RBMS2: variants seen among roughly 807,000 people sequenced by gnomAD.
RBMS2 encodes the protein RNA-binding motif, single-stranded-interacting protein 2.
RBMS2 carries 38 observed loss-of-function variants against 58.4 expected under a neutral mutation model. The ratio of observed to expected loss-of-function variants is 0.65; its 90% confidence interval spans 0.50 to 0.85. RBMS2 has a LOEUF of 0.85. RBMS2 is among the 40% of genes least tolerant of loss of function. RBMS2 has a pLI of 0.00. For synonymous variants in RBMS2, 151 were observed against 180.7 expected (o/e 0.84, Z 1.32); for missense variants, 367 against 503.7 (o/e 0.73, Z 2.60).
At chr12:56,572,701 C>T in intron 5 of RBMS2, 2 of 815,478 alleles carry the variant, frequency 2.5e-6, no homozygotes, top group Non-Finnish European at 1.5e-6. Flanking sequence ...TGCCCAGGGT[C>T]TTACAGGAGT....
At chr12:56,521,789 CTG>C (rs1447531379), upstream of RBMS2, 3 of 532,726 alleles carry the variant, frequency 5.6e-6, no homozygotes, top group Non-Finnish European at 9.9e-6. Context: ...CATTCAGACT[CTG>C]TTAACTTCTC....
intron 5 of RBMS2, among the ~76,000 whole-genome samples, chr12:56,575,630 C>T (rs565268552): frequency 4.6e-5 from 7 of 151,808 alleles, no homozygotes; most frequent in African/African-American, 1.4e-4. Context: ...CATGGTGGCT[C>T]ACGCCTGTAA....
At chr12:56,558,016 G>C (rs1325417017) in intron 1 of RBMS2, among the ~76,000 whole-genome samples, 1 of 136,332 alleles carries the variant, frequency 7.3e-6, no homozygotes, top group African/African-American at 2.7e-5. Flanking sequence ...TGGGATTACA[G>C]GCATGAGCCA....
chr12:56,521,821 G>T lies in RBMS2; in HGVS notation c.-203G>T, dbSNP rs1871757688. The T allele has an allele frequency of 1.8e-6, 1 of 571,220 alleles. No homozygotes were observed. The highest frequency in any genetic ancestry group is 3.1e-5 in the East Asian group (1 of 32,602). The allele number at this position is 571,220 out of a possible 1,614,324, so 35.4% of individuals were successfully genotyped here. A position where few individuals can be genotyped will look rare whatever the true frequency, so the allele number is the denominator to read the frequency against. Reference sequence around the variant, plus strand: ...CTTCTCTCAGTGACGTAAAGGAGCAGCCCGAGCTCATTCTCTGCCCGCAGC... The same window carrying T: ...CTTCTCTCAGTGACGTAAAGGAGCATCCCGAGCTCATTCTCTGCCCGCAGC... On this transcript the variant is annotated 5_prime_UTR_variant, in exon 1 of 14. Transcript: ENST00000262031.
Position 56,582,451 on chromosome 12 carries a change from GTTGT to G in RBMS2, c.873+302_873+305del, listed in dbSNP as rs748816696. On this transcript the variant is annotated intron_variant, in intron 9 of 13. Coordinates refer to ENST00000262031, the MANE Select transcript of RBMS2 (RefSeq NM_002898.4). ...TACACATATGTATAGCATTTGGGGAGTTGTTTATTTTACAAAAATTGGACCAGAT... is the reference window on the plus strand; with the variant it reads ...TACACATATGTATAGCATTTGGGGAGTTATTTTACAAAAATTGGACCAGAT... 4.6e-5 allele frequency among the ~76,000 whole-genome samples: 7 copies of G among 152,116 alleles called. No individual in the cohort carries two copies. In the East Asian group the frequency reaches 5.8e-4, roughly 13 times the overall value.
At position 56,595,223 on chromosome 12, in the gene RBMS2, G is replaced by C. The variant is rs1386413671; in HGVS notation, c.*6090G>C. ...AGAGGGAGTCTGTCATTTTTATAAG[G>C]CTGGAAGCGAATGTTCCTTTTCTAC... On this transcript the variant is annotated 3_prime_UTR_variant, in exon 14 of 14. Coordinates refer to ENST00000262031, the MANE Select transcript of RBMS2 (RefSeq NM_002898.4). The C allele has an allele frequency of 6.6e-6, 1 of 152,126 alleles. No individual in the cohort carries two copies. Among genetic ancestry groups the C allele is most frequent in the African/African-American group, 2.4e-5 (1 of 41,416 alleles). 9.4% of individuals were successfully genotyped at this position (152,126 alleles called of 1,614,324 possible). A position where few individuals can be genotyped will look rare whatever the true frequency, so the allele number is the denominator to read the frequency against.
At chr12:56,563,532 A>C (rs994602386) in intron 2 of RBMS2, among the ~76,000 whole-genome samples, 3 of 152,188 alleles carry the variant, frequency 2.0e-5, no homozygotes, top group Admixed American at 6.6e-5. Flanking sequence ...TTTTTAGTAG[A>C]TTTGATTCAT....
At chr12:56,553,985 C>T (rs1033771698) in intron 1 of RBMS2, among the ~76,000 whole-genome samples, 3 of 151,736 alleles carry the variant, frequency 2.0e-5, no homozygotes, top group Admixed American at 1.3e-4. Flanking sequence ...CCACTATGCT[C>T]GACTAATTTT....
chr12:56,532,079 C>T (rs997185769), intron 1 of RBMS2, among the ~76,000 whole-genome samples: 27 of 151,400 alleles, frequency 1.8e-4, no homozygotes. Flanking sequence ...ATTAGCTGGG[C>T]ATGGTGATGC....
intron 1 of RBMS2, 136 bp downstream of exon 1, chr12:56,522,225 C>A: frequency 3.0e-6 from 2 of 659,436 alleles, no homozygotes; most frequent in African/African-American, 1.9e-5. Context: ...CCGCGCTTCT[C>A]CCTTTTCCAC....
chr12:56,538,986 C>CATT (rs1565734941), intron 1 of RBMS2, among the ~76,000 whole-genome samples: 108 of 112,896 alleles, frequency 9.6e-4, no homozygotes, highest in Middle Eastern at 4.3e-3. Context: ...TCAAATCATT[C>CATT]GTTGTTAGTT....
In RBMS2 at chr12:56,530,174, C is replaced by T. The variant is rs189844242; in HGVS notation, c.66+8085C>T. On this transcript the variant is annotated intron_variant, in intron 1 of 13. Transcript: ENST00000262031. ...CCTCCTGCCTTGGCCTCCCAGAGTG[C>T]TGGGATTACAGGCGTGAGCCACTGT... Among the ~76,000 whole-genome samples, 576 of 152,016 alleles carry T rather than the reference C, an allele frequency of 3.8e-3. 19 individuals carry two copies. The highest frequency in any genetic ancestry group is 0.033 in the Admixed American group (509 of 15,240).
At chr12:56,532,723 A>C (rs1387023985) in intron 1 of RBMS2, among the ~76,000 whole-genome samples, 1 of 151,626 alleles carries the variant, frequency 6.6e-6, no homozygotes, top group Non-Finnish European at 1.5e-5. Flanking sequence ...ATTATCTTGA[A>C]TATATTGTCA....
At chr12:56,525,864 T>C (rs1204183163) in intron 1 of RBMS2, among the ~76,000 whole-genome samples, 2 of 151,114 alleles carry the variant, frequency 1.3e-5, no homozygotes, top group Non-Finnish European at 2.9e-5. Flanking sequence ...CGTTTCACCA[T>C]GTCGGCCAGG....
chr12:56,587,418 G>A, intron 10 of RBMS2, 136 bp from the exon 11 acceptor site: 2 of 830,898 alleles, frequency 2.4e-6, no homozygotes, highest in Non-Finnish European at 3.7e-6. Flanking sequence ...TTGTTGCATA[G>A]TTGGGTTGCT....
chr12:56,586,824 A>G (rs1213774435), intron 9 of RBMS2, 25 bp from the exon 10 acceptor site: 2 of 1,583,564 alleles, frequency 1.3e-6, no homozygotes, highest in African/African-American at 1.3e-5. Flanking sequence ...CAGGCAATTA[A>G]CATTTTTGTT....
In RBMS2 at chr12:56,595,994, G is replaced by A. The variant is rs1885767167; in HGVS notation, c.*6861G>A. On this transcript the variant is annotated 3_prime_UTR_variant, in exon 14 of 14. Transcript: ENST00000262031. ...AGCACTTTTCTACAGCTGCACTTGT[G>A]GAACATCACATGGCAAAAACAGGAG... 1.3e-5 allele frequency: 2 copies of A among 152,606 alleles called. No individual in the cohort carries two copies. Among genetic ancestry groups the A allele is most frequent in the Admixed American group, 1.3e-4 (2 of 15,284 alleles). 9.5% of individuals were successfully genotyped at this position (152,606 alleles called of 1,614,324 possible).
chr12:56,556,046 TAAA>T (rs57399884), intron 1 of RBMS2, among the ~76,000 whole-genome samples: 1 of 138,614 alleles, frequency 7.2e-6, no homozygotes, highest in Admixed American at 7.3e-5. Context: ...CTCTGTGTCT[TAAA>T]AAAAAAAAAA....
intron 1 of RBMS2, among the ~76,000 whole-genome samples, chr12:56,522,700 A>G (rs1051126243): frequency 2.6e-5 from 4 of 152,142 alleles, no homozygotes; most frequent in Non-Finnish European, 5.9e-5. Flanking sequence ...TTGTATTTGA[A>G]CTGATACTTG....
Sources: allele counts gnomAD v4.1 joint callset (sites outside exome capture counted in the v4.1 genomes callset), GRCh38; gene constraint gnomAD v4.1.1; transcripts MANE v1.5; gene names NCBI Gene and HGNC (gene_info 2026-07-23, HGNC 2026-07-21).